CFHR5: variants seen among roughly 807,000 people sequenced by gnomAD.
The protein encoded by CFHR5 is complement factor H related 5.
CFHR5 carries 73 observed loss-of-function variants against 62.9 expected under a neutral mutation model. That is an observed-to-expected ratio of 1.16 (90% CI 0.96 to 1.41). The LOEUF (loss-of-function observed/expected upper bound fraction) is 1.41. CFHR5 is among the 40% of genes most tolerant of loss of function. The probability of loss-of-function intolerance (pLI) is 0.00; values close to 1 mark genes in which losing one functional copy is unlikely to be tolerated. For missense variants in CFHR5, 779 were observed against 679.9 expected (o/e 1.15, Z -1.62); for synonymous variants, 249 against 227.2 (o/e 1.10, Z -0.86).
chr1:197,005,444 A>C (rs1347231778), intron 9 of CFHR5, among the ~76,000 whole-genome samples: 1 of 152,086 alleles, frequency 6.6e-6, no homozygotes, highest in Admixed American at 6.6e-5. Flanking sequence ...CCACAAATTC[A>C]TGTGCACTTT....
intron 9 of CFHR5, among the ~76,000 whole-genome samples, chr1:197,006,649 T>C (rs1366455939): frequency 6.7e-6 from 1 of 148,878 alleles, no homozygotes; most frequent in African/African-American, 2.5e-5. Flanking sequence ...GAGGTGGAGG[T>C]TGCAGTGAGC....
chr1:196,982,810 T>G, intron 1 of CFHR5, 75 bp from the exon 2 acceptor site: 1 of 1,377,982 alleles, frequency 7.3e-7, no homozygotes, highest in Non-Finnish European at 1.0e-6. Flanking sequence ...ATAAATGAGA[T>G]GACTAAAATA....
At chr1:196,975,154 G>A (rs1653367270), upstream of CFHR5, among the ~76,000 whole-genome samples, 1 of 152,188 alleles carries the variant, frequency 6.6e-6, no homozygotes, top group African/African-American at 2.4e-5. Context: ...AAATTTTTCT[G>A]AGTATTCAGT....
chr1:196,999,782 T>A (rs992262635), intron 7 of CFHR5, among the ~76,000 whole-genome samples: 2 of 145,272 alleles, frequency 1.4e-5, no homozygotes, highest in African/African-American at 5.1e-5. Flanking sequence ...TATATGTATA[T>A]ATGTATATAT....
At chr1:196,985,001 C>T (rs188829301) in intron 3 of CFHR5, among the ~76,000 whole-genome samples, 1 of 152,170 alleles carries the variant, frequency 6.6e-6, no homozygotes, top group Non-Finnish European at 1.5e-5. Flanking sequence ...AGGGTTTTTT[C>T]CTTTTTTCAG....
intron 3 of CFHR5, among the ~76,000 whole-genome samples, chr1:196,988,815 T>C (rs180960811): frequency 6.6e-6 from 1 of 152,190 alleles, no homozygotes; most frequent in East Asian, 1.9e-4. Context: ...ATCAGGGATA[T>C]GGGTCTAAAA....
At chr1:196,995,064 T>C (rs1344348397) in intron 4 of CFHR5, among the ~76,000 whole-genome samples, 1 of 152,184 alleles carries the variant, frequency 6.6e-6, no homozygotes, top group African/African-American at 2.4e-5. Context: ...AGCCAATCCA[T>C]ATCAAAGTAT....
chr1:197,002,668 A>T lies in CFHR5; in HGVS notation c.1330+4A>T. The T allele has an allele frequency of 6.2e-7, 1 of 1,609,872 alleles. No homozygotes were observed. Among genetic ancestry groups the T allele is most frequent in the Non-Finnish European group, 8.5e-7 (1 of 1,176,532 alleles). On this transcript the variant is annotated splice_donor_region_variant and intron_variant, in intron 8 of 9. Coordinates refer to ENST00000256785, the MANE Select transcript of CFHR5 (RefSeq NM_030787.4). ...CAATCATTACCACGCTGTGTTGGTT[A>T]GTAGTTTATTTCTAAGTAATTTCAC...
chr1:196,981,011 G>A (rs920186681), intron 1 of CFHR5, among the ~76,000 whole-genome samples: 1 of 152,010 alleles, frequency 6.6e-6, no homozygotes, highest in African/African-American at 2.4e-5. Context: ...ACTATCTAAT[G>A]TCAATTTTTA....
At position 196,983,054 on chromosome 1, in the gene CFHR5, A is replaced by T. The variant is rs1303954789; in HGVS notation, c.228A>T (p.Gly76=). 1 of 1,614,144 alleles carries T rather than the reference A, an allele frequency of 6.2e-7. No homozygotes were observed. Residue 76 remains glycine, a synonymous_variant, in exon 2 of 10, where the codon GGA becomes GGT. Coordinates refer to ENST00000256785, the MANE Select transcript of CFHR5 (RefSeq NM_030787.4). ...CTCGCATAACATGCACAGAAGAAGG[A>T]TGGTCACCAACACCGAAGTGTCTCA... is the stretch of plus-strand genomic sequence containing the variant. The part of the protein sequence containing the change: ...FWTRITCTEE[G]WSPTPKCLRM...
At chr1:197,000,543 T>A (rs1449987645) in intron 7 of CFHR5, among the ~76,000 whole-genome samples, 2 of 152,202 alleles carry the variant, frequency 1.3e-5, no homozygotes, top group African/African-American at 2.4e-5. Context: ...GTGTGATATT[T>A]GAATATCTAA....
chr1:196,997,250 G>A (rs1044719423), intron 6 of CFHR5, among the ~76,000 whole-genome samples: 2 of 152,238 alleles, frequency 1.3e-5, no homozygotes, highest in South Asian at 2.1e-4. Context: ...ATGACCTATT[G>A]TGAGGGAATG....
intron 1 of CFHR5, among the ~76,000 whole-genome samples, chr1:196,977,956 T>C (rs1459244634): frequency 6.6e-6 from 1 of 152,132 alleles, no homozygotes; most frequent in Non-Finnish European, 1.5e-5. Context: ...GGTCACCAAA[T>C]AGATAATGTA....
intron 1 of CFHR5, among the ~76,000 whole-genome samples, chr1:196,980,957 C>T (rs1302136659): frequency 6.6e-6 from 1 of 152,066 alleles, no homozygotes; most frequent in African/African-American, 2.4e-5. Context: ...TAGGTTAATA[C>T]TATCAAGACA....
At chr1:196,988,138 AG>A (rs1336162198) in intron 3 of CFHR5, among the ~76,000 whole-genome samples, 1 of 152,154 alleles carries the variant, frequency 6.6e-6, no homozygotes, top group Non-Finnish European at 1.5e-5. Flanking sequence ...GTAATTGAGA[AG>A]GGGAGTTCAC....
intron 8 of CFHR5, among the ~76,000 whole-genome samples, chr1:197,003,109 G>A (rs1214709980): frequency 1.3e-5 from 2 of 152,108 alleles, no homozygotes; most frequent in Non-Finnish European, 2.9e-5. Context: ...GATGGTTTCA[G>A]GATGAAACTC....
intron 3 of CFHR5, among the ~76,000 whole-genome samples, chr1:196,984,562 T>C (rs1263747906): frequency 3.3e-5 from 5 of 152,164 alleles, no homozygotes; most frequent in African/African-American, 7.2e-5. Context: ...TTGTAAAAAG[T>C]CCATACTTCT....
Position 196,994,109 on chromosome 1 carries a change from G to A in CFHR5, c.460G>A (p.Ala154Thr). Residue 154 changes from alanine (A) to threonine (T), a missense_variant, in exon 4 of 10, where the codon GCC becomes ACC. Coordinates refer to ENST00000256785, the MANE Select transcript of CFHR5 (RefSeq NM_030787.4). Reference sequence around the variant, plus strand: ...AGAATGTCATGTTCCAATTTTAGAAGCCAATGTAGATGCTCAGCCAAAAAA... The same window carrying A: ...AGAATGTCATGTTCCAATTTTAGAAACCAATGTAGATGCTCAGCCAAAAAA... ...KGECHVPILE[A>T]NVDAQPKKES... 2 of 1,613,246 alleles carry A rather than the reference G, an allele frequency of 1.2e-6. No individual in the cohort carries two copies. The highest frequency in any genetic ancestry group is 1.3e-5 in the African/African-American group (1 of 74,906).
intron 9 of CFHR5, among the ~76,000 whole-genome samples, chr1:197,008,152 A>G (rs146954715): frequency 3.4e-4 from 51 of 151,396 alleles, no homozygotes; most frequent in African/African-American, 1.1e-3. Flanking sequence ...ATATCTAAAC[A>G]AACAACATTC....
Sources: gnomAD v4.1 joint callset for allele counts (sites outside exome capture counted in the v4.1 genomes callset) on GRCh38, gnomAD v4.1.1 for gene constraint, MANE v1.5 for transcripts, NCBI Gene and HGNC (gene_info 2026-07-23, HGNC 2026-07-21) for gene names.